Variants in POU2F1 observed in about 807,000 individuals in gnomAD.
POU2F1 encodes POU domain, class 2, transcription factor 1.
In POU2F1, 16 loss-of-function variants were observed where a neutral mutation model predicts 84.9. That is an observed-to-expected ratio of 0.19 (90% CI 0.13 to 0.29). The LOEUF (loss-of-function observed/expected upper bound fraction) is 0.29, where lower values mean the gene tolerates loss of function less well. POU2F1 is among the 10% of genes least tolerant of loss of function. POU2F1 has a pLI of 1.00. For synonymous variants in POU2F1, 368 were observed against 368.3 expected (o/e 1.00, Z 0.01); for missense variants, 738 against 942.6 (o/e 0.78, Z 2.84).
chr1:167,339,937 C>T (rs913805539), intron 2 of POU2F1, among the ~76,000 whole-genome samples: 3 of 152,116 alleles, frequency 2.0e-5, no homozygotes, highest in Non-Finnish European at 4.4e-5. Context: ...CATAGATTAT[C>T]TCATTTAATC....
chr1:167,227,577 A>G (rs768944250), intron 1 of POU2F1, among the ~76,000 whole-genome samples: 2 of 152,208 alleles, frequency 1.3e-5, no homozygotes, highest in Non-Finnish European at 2.9e-5. Context: ...AATGAAAAAT[A>G]CAGCCTTTTT....
chr1:167,328,975 A>T, intron 1 of POU2F1: 2 of 964,348 alleles, frequency 2.1e-6, no homozygotes, highest in Non-Finnish European at 2.5e-6. Flanking sequence ...CTATTTTATT[A>T]CAAAAAGAGG....
At chr1:167,347,650 C>G (rs1557913546) in intron 2 of POU2F1, among the ~76,000 whole-genome samples, 1 of 152,132 alleles carries the variant, frequency 6.6e-6, no homozygotes, top group South Asian at 2.1e-4. Context: ...TTCATCACCC[C>G]CAAAGGAAAC....
intron 15 of POU2F1, among the ~76,000 whole-genome samples, chr1:167,413,892 C>G (rs1157722403): frequency 6.6e-6 from 1 of 151,626 alleles, no homozygotes; most frequent in Non-Finnish European, 1.5e-5. Flanking sequence ...AGGAGGATCA[C>G]TTGAGGCCAT....
intron 1 of POU2F1, among the ~76,000 whole-genome samples, chr1:167,257,529 TC>T (rs1651233948): frequency 6.6e-6 from 1 of 152,186 alleles, no homozygotes. Flanking sequence ...TAGCTTCAAA[TC>T]TAAAGAAATT....
chr1:167,316,041 A>C (rs1035564804), intron 1 of POU2F1, among the ~76,000 whole-genome samples: 4 of 152,180 alleles, frequency 2.6e-5, no homozygotes, highest in Admixed American at 2.6e-4. Context: ...GGTGGATAGC[A>C]GATTAGTGGT....
chr1:167,415,849 T>A lies in POU2F1; in HGVS notation c.*39T>A. The A allele has an allele frequency of 6.4e-7, 1 of 1,564,542 alleles. No individual in the cohort carries two copies. Among genetic ancestry groups the A allele is most frequent in the Non-Finnish European group, 8.7e-7 (1 of 1,152,118 alleles). ...GGGCTGCCAGAAGCCTTTTTCACTC[T>A]GCAGTGTGATTGGACTGCCAGCCAG... is the stretch of plus-strand genomic sequence containing the variant. On this transcript the variant is annotated 3_prime_UTR_variant, in exon 16 of 16. Coordinates refer to ENST00000367866, the MANE Select transcript of POU2F1 (RefSeq NM_002697.4).
chr1:167,264,652 TA>T (rs1246856453), intron 1 of POU2F1, among the ~76,000 whole-genome samples: 1 of 152,216 alleles, frequency 6.6e-6, no homozygotes, highest in Non-Finnish European at 1.5e-5. Flanking sequence ...CACCCTGGTA[TA>T]AATCTCATTT....
chr1:167,315,274 T>C (rs1266365455), intron 1 of POU2F1, among the ~76,000 whole-genome samples: 1 of 152,182 alleles, frequency 6.6e-6, no homozygotes, highest in Non-Finnish European at 1.5e-5. Flanking sequence ...AAATAAAAAA[T>C]TATGTTCACA....
intron 1 of POU2F1, among the ~76,000 whole-genome samples, chr1:167,237,760 ATATATATATATATTTTTTTTTTTTT>A (rs1557836483): frequency 0.011 from 128 of 11,840 alleles, 2 homozygotes; most frequent in African/African-American, 0.018. Flanking sequence ...ATATATATAT[ATATATATATATATTTTTTTTTTTTT>A]TTTTTTTTTT....
intron 1 of POU2F1, among the ~76,000 whole-genome samples, chr1:167,297,331 G>C (rs773061249): frequency 3.3e-5 from 5 of 152,196 alleles, no homozygotes; most frequent in Admixed American, 1.3e-4. Context: ...AAAGGAGTTT[G>C]CGTGGCTAAT....
chr1:167,285,099 C>G (rs1176767007), intron 1 of POU2F1, among the ~76,000 whole-genome samples: 2 of 152,176 alleles, frequency 1.3e-5, no homozygotes, highest in Non-Finnish European at 2.9e-5. Context: ...GAAGTTTATG[C>G]CTTCATTCTG....
At chr1:167,339,086 C>T (rs1023698233) in intron 2 of POU2F1, among the ~76,000 whole-genome samples, 7 of 152,160 alleles carry the variant, frequency 4.6e-5, no homozygotes, top group African/African-American at 1.7e-4. Flanking sequence ...TAGAGACCAC[C>T]TGCACTCCTT....
intron 1 of POU2F1, among the ~76,000 whole-genome samples, chr1:167,248,962 T>G (rs1379431045): frequency 1.3e-5 from 2 of 152,226 alleles, no homozygotes; most frequent in South Asian, 4.1e-4. Flanking sequence ...GTAGAAGAAC[T>G]AGGATTTAAA....
At chr1:167,279,934 A>C (rs186168744) in intron 1 of POU2F1, among the ~76,000 whole-genome samples, 84 of 152,262 alleles carry the variant, frequency 5.5e-4, no homozygotes, top group Admixed American at 4.6e-3. Context: ...GGCAGGGCAT[A>C]GTGGCTCACT....
chr1:167,245,944 T>G (rs761070385), intron 1 of POU2F1, among the ~76,000 whole-genome samples: 12 of 152,242 alleles, frequency 7.9e-5, no homozygotes, highest in Non-Finnish European at 1.8e-4. Flanking sequence ...TTTTTCATAC[T>G]CAGTCCTTAC....
intron 1 of POU2F1, among the ~76,000 whole-genome samples, chr1:167,262,452 G>A (rs980097972): frequency 7.2e-5 from 11 of 152,138 alleles, no homozygotes; most frequent in African/African-American, 2.4e-4. Context: ...TTTGTTCAGC[G>A]AATTGCGGGA....
chr1:167,288,764 T>C (rs1274020877), intron 1 of POU2F1, among the ~76,000 whole-genome samples: 2 of 152,234 alleles, frequency 1.3e-5, no homozygotes, highest in African/African-American at 2.4e-5. Context: ...AGATATTAAC[T>C]GACCTTGCCC....
chr1:167,313,958 G>A (rs1655687577), intron 1 of POU2F1, among the ~76,000 whole-genome samples: 1 of 152,094 alleles, frequency 6.6e-6, no homozygotes, highest in African/African-American at 2.4e-5. Flanking sequence ...CAGAACTTTG[G>A]GAGGCTGAGG....
Sources: allele counts gnomAD v4.1 joint callset (sites outside exome capture counted in the v4.1 genomes callset), GRCh38; gene constraint gnomAD v4.1.1; transcripts MANE v1.5; gene names NCBI Gene and HGNC (gene_info 2026-07-23, HGNC 2026-07-21).